OBSL1: variants seen among roughly 807,000 people sequenced by gnomAD.
The protein encoded by OBSL1 is obscurin like cytoskeletal adaptor 1, also known as obscurin-like protein 1.
OBSL1 carries 160 observed loss-of-function variants against 172.0 expected under a neutral mutation model. The observed-to-expected ratio is 0.93, with a 90% CI of 0.82 to 1.06. OBSL1 has a LOEUF of 1.06. Ranked by LOEUF, OBSL1 falls within the 50% of genes least tolerant of loss-of-function variation. OBSL1 has a pLI of 0.00. For synonymous variants in OBSL1, 1,200 were observed against 1,196.3 expected (o/e 1.00, Z -0.06); for missense variants, 2,681 against 2,715.4 (o/e 0.99, Z 0.28).
chr2:219,550,701 C>A (rs1240359359), downstream of OBSL1: 2 of 1,237,938 alleles, frequency 1.6e-6, no homozygotes, highest in Admixed American at 2.1e-5. Context: ...GGTCTGCCCC[C>A]CCACATCACT....
chr2:219,566,805 C>T (rs1219257660), intron 5 of OBSL1, 25 bp downstream of exon 5: 2 of 1,540,770 alleles, frequency 1.3e-6, no homozygotes, highest in African/African-American at 2.7e-5. Context: ...CCTTTCTGCC[C>T]ACTCAGGTCC....
At chr2:219,558,979 C>A in intron 9 of OBSL1, 1 of 526,386 alleles carries the variant, frequency 1.9e-6, no homozygotes, top group Non-Finnish European at 3.4e-6. Flanking sequence ...GTGCCAAGCA[C>A]ATAGTAGTTG....
chr2:219,559,076 T>C lies in OBSL1; in HGVS notation c.3226+149A>G, dbSNP rs536862042. The C allele has an allele frequency of 1.5e-5, 11 of 716,364 alleles. No individual in the cohort carries two copies. In the East Asian group the frequency reaches 2.4e-4, roughly 16 times the overall value. 44.4% of individuals were successfully genotyped at this position (716,364 alleles called of 1,614,324 possible). ...CACCAGGCCTCTGGTCCTGACCTGA[T>C]GTGGCTAAGCAGGATTCTGATGGCC... On this transcript the variant is annotated intron_variant, in intron 9 of 20. Transcript: ENST00000404537.
rs934923106 is a variant in OBSL1, at chr2:219,553,718, G to A, written c.4877-32C>T. On this transcript the variant is annotated intron_variant, in intron 15 of 20. Transcript: ENST00000404537. ...GTGGGAGAGGGAGGACAGTGCAGAG[G>A]GAGCAGGATGGGGACCCATCTTGCA... 4 of 1,505,754 alleles carry A rather than the reference G, an allele frequency of 2.7e-6. No homozygotes were observed. The African/African-American group carries it at 4.1e-5, about 16-fold the overall frequency. 93.3% of individuals were successfully genotyped at this position (1,505,754 alleles called of 1,614,324 possible). A position where few individuals can be genotyped will look rare whatever the true frequency, so the allele number is the denominator to read the frequency against.
At position 219,568,347 on chromosome 2, in the gene OBSL1, C is replaced by A; in HGVS notation, c.1013-23G>T. 1.3e-6 allele frequency: 2 copies of A among 1,582,432 alleles called. No individual in the cohort carries two copies. The highest frequency in any genetic ancestry group is 1.7e-6 in the Non-Finnish European group (2 of 1,163,548). ...GCTCTGTGGAGAGGGGAGAGAGAGA[C>A]AAGAGAGGGCTCTGGAGAAGGCCCA... On this transcript the variant is annotated intron_variant, in intron 1 of 20. Transcript: ENST00000404537. This position sits in a 1 kb window ranked among gnomAD's most constrained non-coding sequence, Gnocchi z 4.1.
intron 19 of OBSL1, 103 bp downstream of exon 19, chr2:219,552,009 G>A (rs1695648845): frequency 1.7e-6 from 2 of 1,211,012 alleles, no homozygotes; most frequent in African/African-American, 1.5e-5. Flanking sequence ...CGGGGGGAAG[G>A]GAAGAGAGAG....
Position 219,568,932 on chromosome 2 carries a change from A to G in OBSL1, c.1013-608T>C, listed in dbSNP as rs2106106779. Among the ~76,000 whole-genome samples, 1 of 151,974 alleles carries G rather than the reference A, an allele frequency of 6.6e-6. No homozygotes were observed. Among genetic ancestry groups the G allele is most frequent in the African/African-American group, 2.4e-5 (1 of 41,458 alleles). On this transcript the variant is annotated intron_variant, in intron 1 of 20. Transcript: ENST00000404537. This position sits in a 1 kb window ranked among gnomAD's most constrained non-coding sequence, Gnocchi z 4.1. Reference sequence around the variant, plus strand: ...TGGCTAATGATTTTGTATTTTTAGTAGAGATGGGGTTTTGCCATGTTGGCC... The same window carrying G: ...TGGCTAATGATTTTGTATTTTTAGTGGAGATGGGGTTTTGCCATGTTGGCC...
intron 5 of OBSL1, among the ~76,000 whole-genome samples, chr2:219,565,983 G>A (rs1355498509): frequency 1.3e-5 from 2 of 152,208 alleles, no homozygotes; most frequent in Non-Finnish European, 2.9e-5. Flanking sequence ...ACCTCCAGCT[G>A]TTCTCCTCAG....
At chr2:219,565,198 A>T (rs1390375005) in intron 6 of OBSL1, 44 bp downstream of exon 6, 7 of 1,556,566 alleles carry the variant, frequency 4.5e-6, no homozygotes, top group Non-Finnish European at 6.1e-6. Flanking sequence ...GCGGCCCCAC[A>T]ATCAGCCTTG....
downstream of OBSL1, chr2:219,548,021 A>C: frequency 6.3e-7 from 1 of 1,591,262 alleles, no homozygotes; most frequent in Non-Finnish European, 8.5e-7. Context: ...GCCCCTGCTC[A>C]GCCTGATGGG....
intron 15 of OBSL1, among the ~76,000 whole-genome samples, chr2:219,554,076 G>A (rs905249631): frequency 2.0e-5 from 3 of 152,144 alleles, no homozygotes; most frequent in African/African-American, 7.2e-5. Flanking sequence ...GGCAGTCAGT[G>A]GATTCAAGGG....
Position 219,567,124 on chromosome 2 carries a change from G to A in OBSL1, c.1840C>T (p.Pro614Ser), listed in dbSNP as rs779289481. 6.2e-7 allele frequency: 1 copy of A among 1,612,940 alleles called. No homozygotes were observed. Among genetic ancestry groups the A allele is most frequent in the Non-Finnish European group, 8.5e-7 (1 of 1,179,484 alleles). The change falls in exon 5 of 21, where the codon CCC (proline) becomes TCC (serine). Residue 614 changes from proline (P) to serine (S), a missense_variant and splice_region_variant. Pro to Ser is a moderately conservative substitution (Grantham distance 74). Coordinates refer to ENST00000404537, the MANE Select transcript of OBSL1 (RefSeq NM_015311.3). ...VVFHGSAHLVPTARLVAGLED... is the reference protein window; with the variant it reads ...VVFHGSAHLVSTARLVAGLED... ...AGACCTGCCACCAGGCGAGCTGTGG[G>A]CACTGAGGCAGGGACAGAGTGCAGC...
chr2:219,571,416 T>TGCGGCG lies in OBSL1; in HGVS notation c.-190_-185dup, dbSNP rs949845983. On this transcript the variant is annotated 5_prime_UTR_variant, in exon 1 of 21. Transcript: ENST00000404537. ...TACCCTCGGCCCCGAGCTGCAGCTC[T>TGCGGCG]GCGGCGGCGGCGGCGGCGATTCCCG... 1.2e-5 allele frequency: 4 copies of TGCGGCG among 347,306 alleles called. No individual in the cohort carries two copies. Among genetic ancestry groups the TGCGGCG allele is most frequent in the Admixed American group, 4.9e-5 (1 of 20,468 alleles). 21.5% of individuals were successfully genotyped at this position (347,306 alleles called of 1,614,324 possible).
At chr2:219,555,079 T>C (rs1695902904) in intron 14 of OBSL1, 1 of 314,780 alleles carries the variant, frequency 3.2e-6, no homozygotes, top group Non-Finnish European at 5.9e-6. Flanking sequence ...ACATAGTTTG[T>C]GTGCTATGTG....
rs544361255 is a variant in OBSL1 at position 219,557,864 on chromosome 2, G to T, written c.3749C>A (p.Ala1250Asp). 2 of 1,601,040 alleles carry T rather than the reference G, an allele frequency of 1.2e-6. No individual in the cohort carries two copies. Among genetic ancestry groups the T allele is most frequent in the Admixed American group, 1.7e-5 (1 of 59,770 alleles). The change falls in exon 11 of 21, where the codon GCC becomes GAC. Residue 1250 changes from alanine to aspartate, a missense_variant. By Grantham distance (126) the Ala-to-Asp change is moderately radical (BLOSUM62 -2). Around this residue, in one of 5 missense-constraint regions of OBSL1, gnomAD observed 1,765 missense variants for 1,748.3 expected, o/e 1.01. Coordinates refer to ENST00000404537, the MANE Select transcript of OBSL1 (RefSeq NM_015311.3). ...GAAGCTGAGGCTTGGGGCTCCGGGG[G>T]CTGCTCCAGACTGGCAGGTGTAGAG... ...AGLYTCQSGA[A>D]PGAPSLSFTV...
chr2:219,558,313 C>T lies in OBSL1; in HGVS notation c.3373G>A (p.Asp1125Asn), dbSNP rs764174149. 6 of 1,612,634 alleles carry T rather than the reference C, an allele frequency of 3.7e-6. No individual in the cohort carries two copies. The highest frequency in any genetic ancestry group is 5.1e-6 in the Non-Finnish European group (6 of 1,179,552). The change falls in exon 10 of 21, where the codon GAT (aspartate) becomes AAT (asparagine). Residue 1125 changes from aspartate to asparagine, a missense_variant. By Grantham distance (23) the Asp-to-Asn change is conservative. This residue lies in a region of OBSL1 where 1,765 missense variants were observed against 1,748.3 expected (regional missense o/e 1.01). Transcript: ENST00000404537. ...YKDGLEVEAS[D>N]ALQLGAEGPT... is the part of the protein sequence containing the mutation. ...CCCTCGGCACCCAGCTGCAGGGCAT[C>T]TGATGCCTCCACTTCCAGCCCGTCC... is the stretch of plus-strand genomic sequence containing the variant.
Position 219,568,257 on chromosome 2 carries a change from C to T in OBSL1, c.1080G>A (p.Leu360=). ...TGCGGGAGTTGGGTACTTTACATTC[C>T]AGCACGGCAATCCCGTGCTCACGGC... ...VEGREHGIAV[L]ECKVPNSRIP... The change falls in exon 2 of 21, where the codon CTG becomes CTA. Residue 360 remains leucine (L), a synonymous_variant. Transcript: ENST00000404537. The surrounding 1 kb of genome is among the most constrained non-coding windows in gnomAD (Gnocchi z 4.1). The T allele has an allele frequency of 6.2e-7, 1 of 1,612,462 alleles. No homozygotes were observed. The highest frequency in any genetic ancestry group is 8.5e-7 in the Non-Finnish European group (1 of 1,179,500).
chr2:219,566,106 C>T (rs1454381967), intron 5 of OBSL1, among the ~76,000 whole-genome samples: 1 of 152,222 alleles, frequency 6.6e-6, no homozygotes, highest in Non-Finnish European at 1.5e-5. Flanking sequence ...GTACTTTGAG[C>T]AAGTCACTTA....
chr2:219,554,702 T>G lies in OBSL1; in HGVS notation c.4648A>C (p.Thr1550Pro). Residue 1550 changes from threonine to proline, a missense_variant, in exon 15 of 21, where the codon ACC (threonine) becomes CCC (proline). By Grantham distance (38) the Thr-to-Pro change is conservative (BLOSUM62 -1). This residue lies in a region of OBSL1 where 1,765 missense variants were observed against 1,748.3 expected (regional missense o/e 1.01). Coordinates refer to ENST00000404537, the MANE Select transcript of OBSL1 (RefSeq NM_015311.3). ...LRVLRPLEDV[T>P]ISEGGSATFQ... ...GTGGCACTGCCCCCCTCACTGATGGTCACGTCCTCCAGAGGCCGCAGCACC... is the reference window on the plus strand; with the variant it reads ...GTGGCACTGCCCCCCTCACTGATGGGCACGTCCTCCAGAGGCCGCAGCACC... 2 of 1,578,042 alleles carry G rather than the reference T, an allele frequency of 1.3e-6. No homozygotes were observed. The highest frequency in any genetic ancestry group is 1.2e-5 in the South Asian group (1 of 86,956).
Sources: gnomAD v4.1 joint callset for allele counts (sites outside exome capture counted in the v4.1 genomes callset) on GRCh38, gnomAD v4.1.1 for gene constraint, gnomAD v4.1.1 regional missense constraint, Gnocchi (gnomAD v3.1) non-coding constraint, MANE v1.5 for transcripts, NCBI Gene and HGNC (gene_info 2026-07-23, HGNC 2026-07-21) for gene names.